THEM4: variants seen among roughly 807,000 people sequenced by gnomAD.
THEM4 encodes acyl-coenzyme A thioesterase THEM4.
Under a neutral mutation model 25.0 loss-of-function variants are expected in THEM4, and 22 were observed. The ratio of observed to expected loss-of-function variants is 0.88; its 90% CI spans 0.63 to 1.26. THEM4 has a LOEUF of 1.26. THEM4 is among the 50% of genes most tolerant of loss of function. THEM4 has a pLI of 0.00. For synonymous variants in THEM4, 113 were observed against 105.6 expected (o/e 1.07, Z -0.43); for missense variants, 286 against 300.3 (o/e 0.95, Z 0.35).
rs200698202 is a variant in THEM4, at chr1:151,895,082, C to G, written c.212G>C (p.Gly71Ala). The G allele has an allele frequency of 2.9e-5, 46 of 1,613,920 alleles. No homozygotes were observed. Among genetic ancestry groups the G allele is most frequent in the Middle Eastern group, 3.3e-4 (2 of 6,084 alleles). ...FDQFMKKCED[G>A]SWKRLPSYKR... is the part of the protein sequence containing the mutation. ...ATATGAAGGCAAACGTTTCCAGGAG[C>G]CGTCTTCACATTTCTTCATAAACTG... The change falls in exon 2 of 6, where the codon GGC (glycine) becomes GCC (alanine). Residue 71 changes from glycine (G) to alanine (A), a missense_variant. By Grantham distance (60) the Gly-to-Ala change is moderately conservative. Coordinates refer to ENST00000368814, the MANE Select transcript of THEM4 (RefSeq NM_053055.5).
Position 151,902,531 on chromosome 1 carries a change from A to G in THEM4, c.99+6829T>C, listed in dbSNP as rs140218663. On this transcript the variant is annotated intron_variant, in intron 1 of 5. Coordinates refer to ENST00000368814, the MANE Select transcript of THEM4 (RefSeq NM_053055.5). ...GGAGGGGGATAAGGGATAAAAGACT[A>G]TAAATATGGTGCAGTGTATAATGCT... Among the ~76,000 whole-genome samples the G allele has an allele frequency of 2.8e-3, 420 of 152,346 alleles. 3 individuals are homozygous for G. The highest frequency in any genetic ancestry group is 9.6e-3 in the African/African-American group (399 of 41,568).
rs543904173 is a variant in THEM4 at position 151,884,492 on chromosome 1, G to T, written c.557+3781C>A. Among the ~76,000 whole-genome samples the T allele has an allele frequency of 9.2e-5, 14 of 152,222 alleles. No individual in the cohort carries two copies. The South Asian group carries it at 2.9e-3, about 32-fold the overall frequency. Reference sequence around the variant, plus strand: ...AATAGGAAAATGGAGAGAAAGAAATGACATTCCACAGCTTTTGAGTTTCTA... The same window carrying T: ...AATAGGAAAATGGAGAGAAAGAAATTACATTCCACAGCTTTTGAGTTTCTA... On this transcript the variant is annotated intron_variant, in intron 4 of 5. Coordinates refer to ENST00000368814, the MANE Select transcript of THEM4 (RefSeq NM_053055.5).
chr1:151,881,473 C>G (rs971576768), intron 4 of THEM4, among the ~76,000 whole-genome samples: 3 of 152,164 alleles, frequency 2.0e-5, no homozygotes, highest in African/African-American at 7.2e-5. Context: ...TTCTAAAGTC[C>G]ACCATTTAGG....
At chr1:151,892,555 C>T (rs541426577) in intron 2 of THEM4, among the ~76,000 whole-genome samples, 11 of 152,146 alleles carry the variant, frequency 7.2e-5, no homozygotes, top group South Asian at 2.1e-4. Flanking sequence ...ATTCTTCCCT[C>T]GAGATATATC....
chr1:151,900,338 A>T (rs1188511410), intron 1 of THEM4, among the ~76,000 whole-genome samples: 2 of 152,222 alleles, frequency 1.3e-5, no homozygotes, highest in Admixed American at 6.5e-5. Flanking sequence ...CATTTCAATA[A>T]TAACATTGAA....
chr1:151,907,981 G>A (rs866219875), intron 1 of THEM4, among the ~76,000 whole-genome samples: 38 of 152,144 alleles, frequency 2.5e-4, no homozygotes, highest in Middle Eastern at 3.2e-3. Context: ...GCTGGCTGGC[G>A]TTCCCTACCA....
Position 151,872,326 on chromosome 1 carries a change from C to T in THEM4, c.*2562G>A, listed in dbSNP as rs996208561. The stretch of plus-strand genomic sequence containing the variant: ...CTGGGTAGGGTACCACAAGGCTGTC[C>T]CTAAGTTATTAGGTTGAACCATAGG... On this transcript the variant is annotated 3_prime_UTR_variant, in exon 6 of 6. Transcript: ENST00000368814. 6.6e-6 allele frequency among the ~76,000 whole-genome samples: 1 copy of T among 152,156 alleles called. No homozygotes were observed. Among genetic ancestry groups the T allele is most frequent in the East Asian group, 1.9e-4 (1 of 5,200 alleles).
chr1:151,879,210 T>C (rs945999142), intron 4 of THEM4, among the ~76,000 whole-genome samples: 5 of 152,122 alleles, frequency 3.3e-5, no homozygotes, highest in Non-Finnish European at 7.3e-5. Context: ...AAGAAGACAC[T>C]GAGGCACTAA....
chr1:151,897,023 C>T (rs1654239839), intron 1 of THEM4, among the ~76,000 whole-genome samples: 1 of 152,218 alleles, frequency 6.6e-6, no homozygotes, highest in South Asian at 2.1e-4. Context: ...ACTGCTATTA[C>T]TCCAATGCCC....
intron 4 of THEM4, among the ~76,000 whole-genome samples, chr1:151,885,483 A>G (rs1440420740): frequency 1.3e-5 from 2 of 152,240 alleles, no homozygotes; most frequent in Non-Finnish European, 2.9e-5. Context: ...GATTATCATC[A>G]TATCTTAGAT....
chr1:151,903,388 T>C (rs1489113485), intron 1 of THEM4, among the ~76,000 whole-genome samples: 1 of 152,232 alleles, frequency 6.6e-6, no homozygotes, highest in Non-Finnish European at 1.5e-5. Flanking sequence ...AATTATTTAG[T>C]GTTCACTTTC....
intron 4 of THEM4, among the ~76,000 whole-genome samples, chr1:151,882,144 G>A (rs1031147119): frequency 1.3e-5 from 2 of 152,060 alleles, no homozygotes; most frequent in African/African-American, 2.4e-5. Flanking sequence ...TTGGGAGGCC[G>A]AGGCGGATGG....
At chr1:151,894,806 G>C (rs1457302828) in intron 2 of THEM4, 2 of 634,176 alleles carry the variant, frequency 3.2e-6, no homozygotes, top group Admixed American at 5.9e-5. Context: ...CAGGGTGGGA[G>C]CAGTCTTATT....
chr1:151,876,602 C>T (rs1448635124), intron 5 of THEM4, among the ~76,000 whole-genome samples: 1 of 151,940 alleles, frequency 6.6e-6, no homozygotes, highest in African/African-American at 2.4e-5. Flanking sequence ...CGCACACTAC[C>T]ATGCCCCGCT....
chr1:151,882,130 C>T (rs999304672), intron 4 of THEM4, among the ~76,000 whole-genome samples: 2 of 152,092 alleles, frequency 1.3e-5, no homozygotes, highest in Non-Finnish European at 2.9e-5. Context: ...GTAATCCCAG[C>T]ACTTTGGGAG....
intron 1 of THEM4, among the ~76,000 whole-genome samples, chr1:151,898,553 C>T (rs1026736819): frequency 6.6e-6 from 1 of 152,214 alleles, no homozygotes; most frequent in Non-Finnish European, 1.5e-5. Context: ...TCTAGGGCCC[C>T]GCCCACCACC....
chr1:151,872,259 C>A lies in THEM4; in HGVS notation c.*2629G>T, dbSNP rs1653571049. On this transcript the variant is annotated 3_prime_UTR_variant, in exon 6 of 6. Transcript: ENST00000368814. The stretch of plus-strand genomic sequence containing the variant: ...GCCATCCCAGGTCAGTCAGCTCTGG[C>A]AATGGAGGGCTCCAGCTGATCTTTT... Among the ~76,000 whole-genome samples the A allele has an allele frequency of 6.6e-6, 1 of 152,182 alleles. No individual in the cohort carries two copies.
intron 2 of THEM4, among the ~76,000 whole-genome samples, chr1:151,894,281 TGATG>T (rs1405579696): frequency 1.3e-5 from 2 of 152,228 alleles, no homozygotes; most frequent in Non-Finnish European, 2.9e-5. Flanking sequence ...TATACTATAA[TGATG>T]GATATCTGTC....
intron 1 of THEM4, among the ~76,000 whole-genome samples, chr1:151,895,685 A>AG (rs1409614954): frequency 6.6e-6 from 1 of 151,140 alleles, no homozygotes; most frequent in African/African-American, 2.4e-5. Flanking sequence ...ATTACAGGAA[A>AG]AAAAAAAAAA....
Sources: allele counts gnomAD v4.1 joint callset (sites outside exome capture counted in the v4.1 genomes callset), GRCh38; gene constraint gnomAD v4.1.1; transcripts MANE v1.5; gene names NCBI Gene and HGNC (gene_info 2026-07-23, HGNC 2026-07-21).